The following ZC3H12B variants were observed in gnomAD, a reference collection of about 807,000 sequenced individuals.
ZC3H12B encodes the protein zinc finger CCCH-type containing 12B.
In ZC3H12B, 7 loss-of-function variants were observed where a neutral mutation model predicts 43.9. The observed-to-expected ratio is 0.16, with a 90% CI of 0.09 to 0.30. The LOEUF (loss-of-function observed/expected upper bound fraction) is 0.30, where lower values mean the gene tolerates loss of function less well. Among genes scored for constraint, ZC3H12B ranks in the 10% least tolerant of loss-of-function variants. The pLI, the probability that ZC3H12B is intolerant of heterozygous loss-of-function variation, is 1.00. For synonymous variants in ZC3H12B, 222 were observed against 241.7 expected (o/e 0.92, Z 0.76); for missense variants, 475 against 670.2 (o/e 0.71, Z 3.22).
the ZC3H12B span, among the ~76,000 whole-genome samples, chrX:65,080,814 C>A: frequency 9.0e-6 from 1 of 111,300 alleles, no homozygotes; most frequent in Non-Finnish European, 1.9e-5. Context: ...AGTAAGTACA[C>A]AGAAAAACAC....
At chrX:65,199,576 T>C in the ZC3H12B span, among the ~76,000 whole-genome samples, 1 of 110,298 alleles carries the variant, frequency 9.1e-6, no homozygotes, top group Non-Finnish European at 1.9e-5. Context: ...CCATTAGATA[T>C]TCTTTCTGAT....
At chrX:65,192,665 G>A in the ZC3H12B span, among the ~76,000 whole-genome samples, 2 of 111,582 alleles carry the variant, frequency 1.8e-5, no homozygotes, top group East Asian at 2.8e-4. Context: ...ACTTGCATAT[G>A]TTGAACTATT....
At chrX:65,224,459 T>G in the ZC3H12B span, among the ~76,000 whole-genome samples, 3 of 112,491 alleles carry the variant, frequency 2.7e-5, no homozygotes, top group Admixed American at 9.4e-5. Flanking sequence ...AGAAGATGTG[T>G]GACTTCTGCA....
the ZC3H12B span, chrX:65,331,321 A>AT: frequency 6.5e-4 from 72 of 110,444 alleles, no homozygotes; most frequent in Non-Finnish European, 9.6e-4. Flanking sequence ...AAAAGGAATA[A>AT]TTTTTTTTTA....
chrX:65,347,539 C>T, the ZC3H12B span, among the ~76,000 whole-genome samples: 3 of 111,979 alleles, frequency 2.7e-5, no homozygotes, highest in Admixed American at 1.9e-4. Context: ...CAATGAGATA[C>T]CATCTCACAC....
At chrX:65,047,801 T>G in the ZC3H12B span, among the ~76,000 whole-genome samples, 35 of 110,899 alleles carry the variant, frequency 3.2e-4, no homozygotes, top group African/African-American at 1.0e-3. Context: ...ATAGTTGGGC[T>G]AAGTTTTTTT....
chrX:65,297,686 CA>C, the ZC3H12B span, among the ~76,000 whole-genome samples: 1 of 110,922 alleles, frequency 9.0e-6, no homozygotes. Context: ...CCCACAAATC[CA>C]AAGCAAGACT....
At chrX:65,472,563 G>A (rs2067931823) in intron 3 of ZC3H12B, among the ~76,000 whole-genome samples, 1 of 108,633 alleles carries the variant, frequency 9.2e-6, no homozygotes, top group East Asian at 2.9e-4. Flanking sequence ...TGTATCTTAT[G>A]TTTAAGTCTT....
At chrX:65,479,367 A>ATT (rs57725933) in intron 3 of ZC3H12B, among the ~76,000 whole-genome samples, 4 of 91,883 alleles carry the variant, frequency 4.4e-5, no homozygotes, top group South Asian at 5.0e-4. Flanking sequence ...CACTATTTGT[A>ATT]TTTTTTTTTT....
intron 3 of ZC3H12B, among the ~76,000 whole-genome samples, chrX:65,402,135 T>C (rs2066770128): frequency 8.9e-6 from 1 of 111,747 alleles, no homozygotes; most frequent in Non-Finnish European, 1.9e-5. Context: ...AAAGCTGATG[T>C]CAGAGCTCTT....
intron 2 of ZC3H12B, among the ~76,000 whole-genome samples, chrX:65,373,221 C>T (rs1188817889): frequency 8.9e-6 from 1 of 111,822 alleles, no homozygotes; most frequent in Non-Finnish European, 1.9e-5. Context: ...GAATGGCAAT[C>T]ATTAAAACGT....
At chrX:65,411,270 A>G (rs2066899786) in intron 3 of ZC3H12B, among the ~76,000 whole-genome samples, 1 of 112,173 alleles carries the variant, frequency 8.9e-6, no homozygotes, top group South Asian at 3.7e-4. Context: ...AAACTCATGG[A>G]CATAGAGAGT....
the ZC3H12B span, among the ~76,000 whole-genome samples, chrX:65,063,374 C>T: frequency 9.0e-6 from 1 of 111,498 alleles, no homozygotes; most frequent in Non-Finnish European, 1.9e-5. Flanking sequence ...GCATGAAGGC[C>T]TGTTGAATTT....
At chrX:65,450,769 GTATACATATGTGTATATATGTATATA>G (rs1239106823) in intron 3 of ZC3H12B, among the ~76,000 whole-genome samples, 12 of 31,269 alleles carry the variant, frequency 3.8e-4, no homozygotes, top group East Asian at 7.2e-4. Context: ...ATATGTATAT[GTATACATATGTGTATATATGTATATA>G]TATACATATG....
chrX:65,488,131 A>G (rs749260560), upstream of ZC3H12B, among the ~76,000 whole-genome samples: 5 of 110,920 alleles, frequency 4.5e-5, no homozygotes, highest in East Asian at 1.4e-3. Flanking sequence ...TCGGCCTCCC[A>G]AAGTGCTGGG....
the ZC3H12B span, among the ~76,000 whole-genome samples, chrX:65,151,234 A>T: frequency 2.7e-5 from 3 of 112,075 alleles, no homozygotes; most frequent in African/African-American, 6.5e-5. Context: ...ATACAATCAC[A>T]AACCAAGAAA....
intron 3 of ZC3H12B, among the ~76,000 whole-genome samples, chrX:65,441,077 G>A (rs1292391301): frequency 1.8e-5 from 2 of 111,862 alleles, no homozygotes; most frequent in African/African-American, 3.3e-5. Flanking sequence ...CTAGTCCCAT[G>A]CCAGGGACAT....
At chrX:65,176,673 A>G in the ZC3H12B span, among the ~76,000 whole-genome samples, 3 of 112,079 alleles carry the variant, frequency 2.7e-5, no homozygotes, top group South Asian at 1.1e-3. Context: ...AAACTAGAAA[A>G]TCTAAAAGAA....
exon 1 of ZC3H12B, chrX:65,489,327 C>A: frequency 8.3e-7 from 1 of 1,210,781 alleles, no homozygotes; most frequent in African/African-American, 1.7e-5. Context: ...GATTGCAAGC[C>A]CTGAATTGTC....
Sources: allele counts gnomAD v4.1 joint callset (sites outside exome capture counted in the v4.1 genomes callset), GRCh38; gene constraint gnomAD v4.1.1; transcripts MANE v1.5; gene names NCBI Gene and HGNC (gene_info 2026-07-23, HGNC 2026-07-21).